CNN3: variants seen among roughly 807,000 people sequenced by gnomAD.
The protein encoded by CNN3 is calponin 3.
In CNN3, 11 loss-of-function variants were observed where a neutral mutation model predicts 39.0. That is an observed-to-expected ratio of 0.28 (90% CI 0.18 to 0.47). The LOEUF is 0.47. Ranked by LOEUF, CNN3 falls within the 20% of genes least tolerant of loss-of-function variation. The pLI is 0.99. For missense variants in CNN3, 266 were observed against 403.4 expected, an observed-to-expected ratio of 0.66 and a Z score of 2.92; for synonymous variants, 101 against 138.3, an observed-to-expected ratio of 0.73 and a Z score of 1.89.
Position 94,898,005 on chromosome 1 carries a change from T to C in CNN3, c.727A>G (p.Ile243Val). The change falls in exon 7 of 7, where the codon ATT becomes GTT. Residue 243 changes from isoleucine (I) to valine (V), a missense_variant. By Grantham distance (29) the Ile-to-Val change is conservative (BLOSUM62 3). Coordinates refer to ENST00000370206, the MANE Select transcript of CNN3 (RefSeq NM_001839.5). ...TTGTTGGTACCCATCTGTAGGGAAA[T>C]TGTCGAGTTGTCCACCGGCTGTAAT... ...LTLQPVDNST[I>V]SLQMGTNKVA... is the part of the protein sequence containing the mutation. The C allele has an allele frequency of 2.5e-6, 4 of 1,614,036 alleles. No homozygotes were observed. The highest frequency in any genetic ancestry group is 1.7e-6 in the Non-Finnish European group (2 of 1,179,980).
intron 1 of CNN3, among the ~76,000 whole-genome samples, chr1:94,925,037 T>A (rs1271436115): frequency 6.6e-6 from 1 of 152,254 alleles, no homozygotes. Flanking sequence ...TGATCTAGCC[T>A]GTGTATGCAT....
chr1:94,920,730 G>A (rs770625763), intron 1 of CNN3, among the ~76,000 whole-genome samples: 1 of 152,150 alleles, frequency 6.6e-6, no homozygotes, highest in African/African-American at 2.4e-5. Flanking sequence ...TACTTTCCCT[G>A]ACAAGAACCT....
intron 1 of CNN3, among the ~76,000 whole-genome samples, chr1:94,920,799 T>C (rs768709997): frequency 4.6e-5 from 7 of 152,170 alleles, no homozygotes; most frequent in Non-Finnish European, 1.0e-4. Flanking sequence ...CCATAGGTTT[T>C]TGTAAAACTT....
At position 94,897,652 on chromosome 1, in the gene CNN3, T is replaced by G; in HGVS notation, c.*90A>C. On this transcript the variant is annotated 3_prime_UTR_variant, in exon 7 of 7. Coordinates refer to ENST00000370206, the MANE Select transcript of CNN3 (RefSeq NM_001839.5). ...AAGTACAATAAGCTTAATAGTGTTT[T>G]AGGAAGACAAGATAAAAATTACTCA... The G allele has an allele frequency of 8.3e-7, 1 of 1,211,242 alleles. No individual in the cohort carries two copies. The highest frequency in any genetic ancestry group is 1.2e-6 in the Non-Finnish European group (1 of 853,382). The allele number at this position is 1,211,242 out of a possible 1,614,324, so 75.0% of individuals were successfully genotyped here.
intron 1 of CNN3, among the ~76,000 whole-genome samples, chr1:94,904,954 A>G (rs1049021289): frequency 1.3e-5 from 2 of 152,236 alleles, no homozygotes; most frequent in African/African-American, 4.8e-5. Flanking sequence ...AGGGAGGTTT[A>G]ATCATTGGAA....
chr1:94,925,393 G>A (rs1350618409), intron 1 of CNN3, among the ~76,000 whole-genome samples: 5 of 152,226 alleles, frequency 3.3e-5, no homozygotes, highest in Admixed American at 1.3e-4. Context: ...TTCAGTTGGT[G>A]AGGTTTGCAC....
chr1:94,911,467 G>A (rs535976234), intron 1 of CNN3, among the ~76,000 whole-genome samples: 1 of 152,322 alleles, frequency 6.6e-6, no homozygotes, highest in South Asian at 2.1e-4. Flanking sequence ...AATATTGTGA[G>A]ACTGACAAGA....
intron 1 of CNN3, among the ~76,000 whole-genome samples, chr1:94,923,951 G>T (rs1038556844): frequency 2.0e-5 from 3 of 152,064 alleles, no homozygotes; most frequent in Admixed American, 6.6e-5. Flanking sequence ...ATCACAGAAG[G>T]CAGGAAGTGG....
At chr1:94,915,323 C>T (rs1435781783) in intron 1 of CNN3, among the ~76,000 whole-genome samples, 2 of 152,132 alleles carry the variant, frequency 1.3e-5, no homozygotes, top group Non-Finnish European at 2.9e-5. Context: ...AACTGAAGTC[C>T]AAGCTTCTTA....
chr1:94,912,870 G>A (rs921433604), intron 1 of CNN3, among the ~76,000 whole-genome samples: 16 of 152,274 alleles, frequency 1.1e-4, no homozygotes, highest in Admixed American at 9.1e-4. Flanking sequence ...TATGTCTAGC[G>A]CACTCCTGAA....
At chr1:94,924,080 G>A (rs528008362) in intron 1 of CNN3, 7 of 152,474 alleles carry the variant, frequency 4.6e-5, no homozygotes, top group African/African-American at 1.7e-4. Flanking sequence ...GGGGAATCTA[G>A]CATTCAAGCA....
At chr1:94,908,002 C>T (rs1268828597) in intron 1 of CNN3, among the ~76,000 whole-genome samples, 1 of 152,258 alleles carries the variant, frequency 6.6e-6, no homozygotes, top group Non-Finnish European at 1.5e-5. Context: ...TTCAAATCCA[C>T]AGCAGCCCCT....
intron 1 of CNN3, among the ~76,000 whole-genome samples, chr1:94,913,116 T>C (rs1671206619): frequency 2.0e-5 from 3 of 152,226 alleles, no homozygotes; most frequent in African/African-American, 4.8e-5. Flanking sequence ...TCAAAATATA[T>C]GTCAAATCCT....
At chr1:94,911,026 G>C (rs112860313) in intron 1 of CNN3, among the ~76,000 whole-genome samples, 1 of 152,118 alleles carries the variant, frequency 6.6e-6, no homozygotes, top group Admixed American at 6.5e-5. Flanking sequence ...TTTGCATCCC[G>C]AATTCTTATT....
At chr1:94,899,797 T>A (rs1353595069) in intron 5 of CNN3, among the ~76,000 whole-genome samples, 1 of 152,216 alleles carries the variant, frequency 6.6e-6, no homozygotes, top group African/African-American at 2.4e-5. Flanking sequence ...AGTGGCAGAA[T>A]AATTTCCTCT....
chr1:94,915,222 T>G lies in CNN3; in HGVS notation c.57+11616A>C, dbSNP rs375369475. Among the ~76,000 whole-genome samples the G allele has an allele frequency of 1.2e-4, 18 of 152,226 alleles. 1 individual carries two copies. The highest frequency in any genetic ancestry group is 8.5e-4 in the Admixed American group (13 of 15,280). ...GTTCATTTTGCTTTTAATGAGGATG[T>G]GTGAAAAAAAGATGAAGTCAGAGGC... On this transcript the variant is annotated intron_variant, in intron 1 of 6. Coordinates refer to ENST00000370206, the MANE Select transcript of CNN3 (RefSeq NM_001839.5).
intron 1 of CNN3, among the ~76,000 whole-genome samples, chr1:94,904,661 C>T (rs1670950794): frequency 6.6e-6 from 1 of 152,052 alleles, no homozygotes. Flanking sequence ...GTAGGAAGAT[C>T]ACTTGAGCCC....
At chr1:94,916,658 T>G (rs774674387) in intron 1 of CNN3, among the ~76,000 whole-genome samples, 1 of 152,244 alleles carries the variant, frequency 6.6e-6, no homozygotes, top group African/African-American at 2.4e-5. Flanking sequence ...CAATTCTCCC[T>G]GAGCTCTGGC....
chr1:94,897,670 A>G lies in CNN3; in HGVS notation c.*72T>C, dbSNP rs1670759451. 2 of 1,373,436 alleles carry G rather than the reference A, an allele frequency of 1.5e-6. No individual in the cohort carries two copies. The highest frequency in any genetic ancestry group is 2.0e-6 in the Non-Finnish European group (2 of 993,778). The allele number at this position is 1,373,436 out of a possible 1,614,324, so 85.1% of individuals were successfully genotyped here. ...AGTGTTTTAGGAAGACAAGATAAAA[A>G]TTACTCAAGGCTAGCTTGGTTCTCA... On this transcript the variant is annotated 3_prime_UTR_variant, in exon 7 of 7. Transcript: ENST00000370206.
Sources: allele counts gnomAD v4.1 joint callset (sites outside exome capture counted in the v4.1 genomes callset), GRCh38; gene constraint gnomAD v4.1.1; transcripts MANE v1.5; gene names NCBI Gene and HGNC (gene_info 2026-07-23, HGNC 2026-07-21).